The following UNC5D variants were observed in gnomAD, a reference collection of about 807,000 sequenced individuals.
UNC5D encodes netrin receptor UNC5D.
In UNC5D, 39 loss-of-function variants were observed where a neutral mutation model predicts 105.4. That is an observed-to-expected ratio of 0.37 (90% CI 0.29 to 0.48). UNC5D has a LOEUF of 0.48. UNC5D is among the 20% of genes least tolerant of loss of function. The probability of loss-of-function intolerance (pLI) is 0.98; values close to 1 mark genes in which losing one functional copy is unlikely to be tolerated. For missense variants in UNC5D, 991 were observed against 1,202.4 expected (o/e 0.82, Z 2.60); for synonymous variants, 452 against 450.4 (o/e 1.00, Z -0.04).
chr8:35,593,015 G>A (rs79163389), intron 3 of UNC5D, among the ~76,000 whole-genome samples: 104 of 149,614 alleles, frequency 7.0e-4, no homozygotes, highest in East Asian at 6.3e-3. Context: ...GAGTAATACC[G>A]TTTCCTAGGT....
chr8:35,768,668 G>C (rs1346499589), intron 15 of UNC5D, among the ~76,000 whole-genome samples: 3 of 152,098 alleles, frequency 2.0e-5, no homozygotes, highest in East Asian at 1.9e-4. Context: ...AATGTGATAG[G>C]TATTTTTGCT....
At chr8:35,376,697 T>C (rs1802716812) in intron 1 of UNC5D, among the ~76,000 whole-genome samples, 1 of 152,204 alleles carries the variant, frequency 6.6e-6, no homozygotes, top group Non-Finnish European at 1.5e-5. Context: ...ATCCCTCCTG[T>C]CTAGATAATG....
At chr8:35,703,229 G>A (rs1259183840) in intron 7 of UNC5D, among the ~76,000 whole-genome samples, 2 of 151,832 alleles carry the variant, frequency 1.3e-5, no homozygotes, top group Non-Finnish European at 2.9e-5. Flanking sequence ...AATCATAACA[G>A]GTTGAAATTG....
intron 5 of UNC5D, among the ~76,000 whole-genome samples, chr8:35,684,018 A>T (rs1259369573): frequency 6.6e-6 from 1 of 152,142 alleles, no homozygotes; most frequent in East Asian, 1.9e-4. Flanking sequence ...TTTATATTTG[A>T]AAAGAATTGA....
At chr8:35,464,133 C>G (rs1460834028) in intron 1 of UNC5D, among the ~76,000 whole-genome samples, 2 of 152,184 alleles carry the variant, frequency 1.3e-5, no homozygotes, top group East Asian at 3.9e-4. Context: ...TCGAGACCAG[C>G]CTGGCCAACA....
chr8:35,761,276 T>A (rs1191099827), intron 14 of UNC5D, among the ~76,000 whole-genome samples: 1 of 152,206 alleles, frequency 6.6e-6, no homozygotes. Flanking sequence ...CTCATTTCAC[T>A]GGATCTGATG....
chr8:35,776,810 C>A (rs556296678), intron 16 of UNC5D, among the ~76,000 whole-genome samples: 146 of 152,288 alleles, frequency 9.6e-4, no homozygotes, highest in African/African-American at 3.2e-3. Flanking sequence ...TATATGGAAT[C>A]TACTTCTATC....
intron 1 of UNC5D, among the ~76,000 whole-genome samples, chr8:35,474,849 T>A (rs1276780084): frequency 6.6e-6 from 1 of 152,188 alleles, no homozygotes; most frequent in Admixed American, 6.5e-5. Flanking sequence ...AGTGAACTGA[T>A]CCACTTCACA....
chr8:35,467,143 G>C (rs1017022915), intron 1 of UNC5D, among the ~76,000 whole-genome samples: 1 of 152,160 alleles, frequency 6.6e-6, no homozygotes, highest in Non-Finnish European at 1.5e-5. Context: ...GAGTGTGTAA[G>C]TTCAGAAATT....
intron 1 of UNC5D, among the ~76,000 whole-genome samples, chr8:35,304,290 G>A (rs1463033248): frequency 6.6e-6 from 1 of 151,934 alleles, no homozygotes; most frequent in African/African-American, 2.4e-5. Flanking sequence ...ATTTTTGACA[G>A]CACATTTTAC....
intron 1 of UNC5D, among the ~76,000 whole-genome samples, chr8:35,487,649 T>A (rs1810922288): frequency 6.6e-6 from 1 of 151,956 alleles, no homozygotes; most frequent in Admixed American, 6.6e-5. Flanking sequence ...CAGATTTTAG[T>A]ACTAACAAGT....
Position 35,485,342 on chromosome 8 carries a change from G to T in UNC5D, c.104-63950G>T, listed in dbSNP as rs116059041. 4.1e-3 allele frequency among the ~76,000 whole-genome samples: 627 copies of T among 152,196 alleles called. 8 individuals are homozygous for T. The highest frequency in any genetic ancestry group is 0.014 in the African/African-American group (591 of 41,544). ...GTCAGTATAACATCTCTGCGAGATG[G>T]GCAAGATGACTGGCATATATATCCC... On this transcript the variant is annotated intron_variant, in intron 1 of 16. Transcript: ENST00000404895.
At chr8:35,697,108 G>C (rs1198867881) in intron 7 of UNC5D, among the ~76,000 whole-genome samples, 1 of 149,422 alleles carries the variant, frequency 6.7e-6, no homozygotes, top group Non-Finnish European at 1.5e-5. Context: ...AAAAACTTGA[G>C]ATAGATAGAT....
chr8:35,316,843 T>C (rs144381837), intron 1 of UNC5D, among the ~76,000 whole-genome samples: 3 of 152,276 alleles, frequency 2.0e-5, no homozygotes, highest in Non-Finnish European at 4.4e-5. Flanking sequence ...TCAGGAAATA[T>C]GCTGTCCGAT....
intron 1 of UNC5D, among the ~76,000 whole-genome samples, chr8:35,490,624 T>C (rs2130099635): frequency 6.6e-6 from 1 of 152,320 alleles, no homozygotes; most frequent in Admixed American, 6.5e-5. Context: ...CTGAAGGATC[T>C]TTGATGGTAA....
chr8:35,335,607 T>A (rs550878328), intron 1 of UNC5D, among the ~76,000 whole-genome samples: 1 of 152,258 alleles, frequency 6.6e-6, no homozygotes, highest in African/African-American at 2.4e-5. Context: ...GATAAATGAT[T>A]GTTTCAAGGC....
intron 9 of UNC5D, among the ~76,000 whole-genome samples, chr8:35,724,469 A>T (rs1015017205): frequency 6.6e-6 from 1 of 152,092 alleles, no homozygotes; most frequent in African/African-American, 2.4e-5. Flanking sequence ...TAGGGACTTG[A>T]AAAAGGATTT....
At chr8:35,291,141 G>C (rs1431160522) in intron 1 of UNC5D, among the ~76,000 whole-genome samples, 1 of 152,004 alleles carries the variant, frequency 6.6e-6, no homozygotes, top group Non-Finnish European at 1.5e-5. Flanking sequence ...GTGTGATATA[G>C]AGTGGCTGAA....
At chr8:35,593,177 T>A (rs1819285223) in intron 3 of UNC5D, among the ~76,000 whole-genome samples, 1 of 151,766 alleles carries the variant, frequency 6.6e-6, no homozygotes, top group Non-Finnish European at 1.5e-5. Context: ...AGAAAAAAAA[T>A]GACATTTCTC....
Sources: gnomAD v4.1 joint callset for allele counts (sites outside exome capture counted in the v4.1 genomes callset) on GRCh38, gnomAD v4.1.1 for gene constraint, MANE v1.5 for transcripts, NCBI Gene and HGNC (gene_info 2026-07-23, HGNC 2026-07-21) for gene names.